The following NPAS3 variants were observed in gnomAD, a reference collection of about 807,000 sequenced individuals.
The protein encoded by NPAS3 is neuronal PAS domain-containing protein 3.
Under a neutral mutation model 73.1 loss-of-function variants are expected in NPAS3, and 14 were observed. The observed-to-expected ratio is 0.19, with a 90% CI of 0.13 to 0.30. NPAS3 has a LOEUF of 0.30. Ranked by LOEUF, NPAS3 falls within the 10% of genes least tolerant of loss-of-function variation. NPAS3 has a pLI of 1.00. For synonymous variants in NPAS3, 620 were observed against 541.5 expected, an observed-to-expected ratio of 1.14 and a Z score of -2.01; for missense variants, 1,096 against 1,250.0, an observed-to-expected ratio of 0.88 and a Z score of 1.86.
chr14:33,152,305 A>G (rs1052560739), intron 2 of NPAS3, among the ~76,000 whole-genome samples: 1 of 152,052 alleles, frequency 6.6e-6, no homozygotes, highest in Non-Finnish European at 1.5e-5. Flanking sequence ...TGGTGTTGGG[A>G]GCATCATTAC....
intron 4 of NPAS3, among the ~76,000 whole-genome samples, chr14:33,486,158 T>A (rs75054939): frequency 1.5e-4 from 23 of 151,920 alleles, no homozygotes; most frequent in Non-Finnish European, 3.2e-4. Flanking sequence ...TTTTTTTTTT[T>A]AATTCTCACA....
chr14:33,403,719 C>T (rs931389894), intron 4 of NPAS3, among the ~76,000 whole-genome samples: 1 of 152,062 alleles, frequency 6.6e-6, no homozygotes, highest in African/African-American at 2.4e-5. Context: ...GCACCTCCCC[C>T]AGTATTAACT....
At chr14:33,370,563 A>T (rs1383147000) in intron 4 of NPAS3, among the ~76,000 whole-genome samples, 2 of 152,154 alleles carry the variant, frequency 1.3e-5, no homozygotes. Context: ...GAGGGCTTTT[A>T]TGCAGCAGTG....
At chr14:33,691,772 A>G (rs889038496) in intron 6 of NPAS3, among the ~76,000 whole-genome samples, 1 of 152,176 alleles carries the variant, frequency 6.6e-6, no homozygotes, top group African/African-American at 2.4e-5. Flanking sequence ...TAGAATTATT[A>G]CCACAGAGCC....
At chr14:32,988,629 A>G (rs2038192560) in intron 1 of NPAS3, among the ~76,000 whole-genome samples, 1 of 152,194 alleles carries the variant, frequency 6.6e-6, no homozygotes. Flanking sequence ...ATCTGGTTTT[A>G]TAACACCAAT....
chr14:33,162,163 T>C (rs1218118803), intron 2 of NPAS3, among the ~76,000 whole-genome samples: 1 of 152,252 alleles, frequency 6.6e-6, no homozygotes, highest in African/African-American at 2.4e-5. Context: ...TCTGTGTTGA[T>C]GTAGTGCAGC....
chr14:32,949,459 T>C (rs1157808562), intron 1 of NPAS3, among the ~76,000 whole-genome samples: 2 of 152,164 alleles, frequency 1.3e-5, no homozygotes, highest in East Asian at 3.9e-4. Flanking sequence ...CTCAAGCCTC[T>C]GGACAGATAA....
intron 3 of NPAS3, among the ~76,000 whole-genome samples, chr14:33,280,026 C>G (rs531863703): frequency 1.4e-4 from 21 of 152,270 alleles, no homozygotes; most frequent in Non-Finnish European, 2.9e-4. Flanking sequence ...TGCAGCCTAA[C>G]ACTGTGTGAA....
chr14:33,575,020 G>T (rs568266540), intron 5 of NPAS3, among the ~76,000 whole-genome samples: 1 of 152,298 alleles, frequency 6.6e-6, no homozygotes, highest in Admixed American at 6.5e-5. Flanking sequence ...CAGGAGGAAA[G>T]CTCAAAGCAG....
At chr14:33,113,619 A>G (rs1222726478) in intron 2 of NPAS3, among the ~76,000 whole-genome samples, 1 of 152,110 alleles carries the variant, frequency 6.6e-6, no homozygotes, top group East Asian at 1.9e-4. Context: ...GCAAACAGGG[A>G]CAATTTGACT....
Position 33,800,784 on chromosome 14 carries a change from C to T in NPAS3, c.2477C>T (p.Thr826Met). Residue 826 changes from threonine (T) to methionine (M), a missense_variant, in exon 12 of 12, where the codon ACG (threonine) becomes ATG (methionine). This residue lies in a region of NPAS3 where 698 missense variants were observed against 676.7 expected (regional missense o/e 1.03). Transcript: ENST00000356141. This position sits in a 1 kb window ranked among gnomAD's most constrained non-coding sequence, Gnocchi z 6.5. ...ACGGCCGCGCAGAGGGTCTACACCA[C>T]GGGCACCATCCGCTACGCGCCCGCC... is the stretch of plus-strand genomic sequence containing the variant. 1 of 1,582,636 alleles carries T rather than the reference C, an allele frequency of 6.3e-7. No homozygotes were observed. The highest frequency in any genetic ancestry group is 8.6e-7 in the Non-Finnish European group (1 of 1,165,806).
intron 6 of NPAS3, among the ~76,000 whole-genome samples, chr14:33,694,817 C>T (rs2140424009): frequency 6.6e-6 from 1 of 152,298 alleles, no homozygotes; most frequent in East Asian, 1.9e-4. Context: ...TGAGAAATCC[C>T]TTTAAGTGTC....
chr14:33,251,931 G>A (rs1378164272), intron 3 of NPAS3, among the ~76,000 whole-genome samples: 1 of 151,934 alleles, frequency 6.6e-6, no homozygotes, highest in East Asian at 1.9e-4. Flanking sequence ...CCTTGGTGTT[G>A]AAGCACGTTG....
At chr14:33,217,763 A>G (rs1372650059) in intron 3 of NPAS3, among the ~76,000 whole-genome samples, 1 of 152,178 alleles carries the variant, frequency 6.6e-6, no homozygotes, top group Non-Finnish European at 1.5e-5. Context: ...TGTATAGATC[A>G]CATGTCATTA....
chr14:33,614,303 A>G (rs1026571326), intron 5 of NPAS3, among the ~76,000 whole-genome samples: 2 of 152,234 alleles, frequency 1.3e-5, no homozygotes, highest in Non-Finnish European at 2.9e-5. Flanking sequence ...AGGAGTAATT[A>G]ATTGCCAAAC....
At chr14:33,217,765 A>G (rs2047278711) in intron 3 of NPAS3, among the ~76,000 whole-genome samples, 1 of 152,168 alleles carries the variant, frequency 6.6e-6, no homozygotes. Flanking sequence ...TATAGATCAC[A>G]TGTCATTATT....
intron 3 of NPAS3, among the ~76,000 whole-genome samples, chr14:33,222,190 G>A (rs966496033): frequency 4.6e-5 from 7 of 152,194 alleles, no homozygotes; most frequent in African/African-American, 1.7e-4. Flanking sequence ...TCATGTAAGG[G>A]TCTTCAGGGA....
intron 5 of NPAS3, among the ~76,000 whole-genome samples, chr14:33,566,444 C>T (rs992430931): frequency 6.6e-6 from 1 of 152,074 alleles, no homozygotes; most frequent in African/African-American, 2.4e-5. Context: ...CGTTCTTCCC[C>T]CCTTTTCCTT....
intron 3 of NPAS3, among the ~76,000 whole-genome samples, chr14:33,229,058 T>C (rs556759095): frequency 6.6e-6 from 1 of 152,286 alleles, no homozygotes; most frequent in South Asian, 2.1e-4. Context: ...ATGAGAATTG[T>C]GGCCCTCCAG....
Sources: allele counts gnomAD v4.1 joint callset (sites outside exome capture counted in the v4.1 genomes callset), GRCh38; gene constraint gnomAD v4.1.1; regional missense constraint gnomAD v4.1.1; non-coding constraint Gnocchi (gnomAD v3.1); transcripts MANE v1.5; gene names NCBI Gene and HGNC (gene_info 2026-07-23, HGNC 2026-07-21).